The following DENND4A variants were observed in gnomAD, a reference collection of about 807,000 sequenced individuals.
The protein encoded by DENND4A is C-myc promoter-binding protein.
In DENND4A, 70 loss-of-function variants were observed where a neutral mutation model predicts 199.3. That is an observed-to-expected ratio of 0.35 (90% confidence interval 0.29 to 0.43). The LOEUF (loss-of-function observed/expected upper bound fraction) is 0.43. DENND4A is among the 20% of genes least tolerant of loss of function. DENND4A has a pLI of 1.00. For synonymous variants in DENND4A, 686 were observed against 766.9 expected, an observed-to-expected ratio of 0.89 and a Z score of 1.74; for missense variants, 1,723 against 2,255.8, an observed-to-expected ratio of 0.76 and a Z score of 4.78.
intron 14 of DENND4A, among the ~76,000 whole-genome samples, chr15:65,709,695 CAAAAAA>C (rs1171075195): frequency 1.1e-4 from 4 of 36,158 alleles, no homozygotes; most frequent in Non-Finnish European, 1.9e-4. Context: ...AACTCCATCT[CAAAAAA>C]AAAAAAAAAA....
Position 65,724,053 on chromosome 15 carries a change from C to T in DENND4A, c.1488-1105G>A, listed in dbSNP as rs185931551. ...GGACTTAAAGATAGCTTTAATGACT[C>T]CACTTTAAAAAAAAAAACCAGAGAG... On this transcript the variant is annotated intron_variant, in intron 11 of 32. Coordinates refer to ENST00000443035, the MANE Select transcript of DENND4A (RefSeq NM_001320835.1). 5.9e-5 allele frequency among the ~76,000 whole-genome samples: 9 copies of T among 151,800 alleles called. 1 individual carries two copies. In the East Asian group the frequency reaches 1.2e-3, roughly 20 times the overall value.
intron 22 of DENND4A, among the ~76,000 whole-genome samples, chr15:65,692,289 G>A (rs1383600605): frequency 1.3e-5 from 2 of 152,044 alleles, no homozygotes; most frequent in African/African-American, 4.8e-5. Flanking sequence ...ATTTATACCA[G>A]TCAAATGTTA....
intron 17 of DENND4A, 97 bp downstream of exon 17, chr15:65,702,208 G>A (rs1290895218): frequency 4.8e-5 from 48 of 1,005,818 alleles, no homozygotes; most frequent in East Asian, 1.3e-4. Context: ...GGTTAAGACT[G>A]CAGTGAGCCA....
At position 65,722,927 on chromosome 15, in the gene DENND4A, T is replaced by C; in HGVS notation, c.1509A>G (p.Val503=). The change falls in exon 12 of 33, where the codon GTA becomes GTG. Residue 503 remains valine (V), a synonymous_variant. Coordinates refer to ENST00000443035, the MANE Select transcript of DENND4A (RefSeq NM_001320835.1). ...TISQIGDKKN[V]AWKILPKKPC... is the part of the protein sequence containing the mutation. ...GCTTCTTTGGAAGTATCTTCCAGGC[T>C]ACATTTTTCTTGTCACCAATTCTAA... is the stretch of plus-strand genomic sequence containing the variant. 1.2e-6 allele frequency: 2 copies of C among 1,607,136 alleles called. No homozygotes were observed. Among genetic ancestry groups the C allele is most frequent in the Non-Finnish European group, 1.7e-6 (2 of 1,177,286 alleles).
chr15:65,781,987 T>C (rs889291267), intron 1 of DENND4A, among the ~76,000 whole-genome samples: 1 of 152,144 alleles, frequency 6.6e-6, no homozygotes, highest in African/African-American at 2.4e-5. Context: ...TTTAGTGATA[T>C]GAAAAAGTAG....
intron 4 of DENND4A, among the ~76,000 whole-genome samples, chr15:65,747,068 T>C (rs1001424577): frequency 1.3e-5 from 2 of 150,284 alleles, no homozygotes; most frequent in African/African-American, 4.9e-5. Context: ...ATCGCACCAC[T>C]ACACTCCATC....
chr15:65,716,727 G>A (rs892133961), intron 13 of DENND4A, among the ~76,000 whole-genome samples: 5 of 151,744 alleles, frequency 3.3e-5, no homozygotes, highest in Non-Finnish European at 5.9e-5. Context: ...TGTCTTTATA[G>A]CAGCATGATT....
At position 65,667,908 on chromosome 15, in the gene DENND4A, T is replaced by C; in HGVS notation, c.4986+17A>G. 1 of 1,584,494 alleles carries C rather than the reference T, an allele frequency of 6.3e-7. No homozygotes were observed. Among genetic ancestry groups the C allele is most frequent in the South Asian group, 1.2e-5 (1 of 85,650 alleles). On this transcript the variant is annotated intron_variant, in intron 28 of 32. Transcript: ENST00000443035. Reference sequence around the variant, plus strand: ...AGTGATCAATTTCCAAATAAAAAAATACACCAAAATACATACTGTAGCTCC... The same window carrying C: ...AGTGATCAATTTCCAAATAAAAAAACACACCAAAATACATACTGTAGCTCC...
Position 65,703,005 on chromosome 15 carries a change from A to G in DENND4A, c.2091T>C (p.Tyr697=). 2 of 1,611,138 alleles carry G rather than the reference A, an allele frequency of 1.2e-6. No individual in the cohort carries two copies. Among genetic ancestry groups the G allele is most frequent in the South Asian group, 2.2e-5 (2 of 90,870 alleles). The change falls in exon 16 of 33, where the codon TAT becomes TAC. Residue 697 remains tyrosine, a synonymous_variant. Coordinates refer to ENST00000443035, the MANE Select transcript of DENND4A (RefSeq NM_001320835.1). The part of the protein sequence containing the change: ...NGEEPPLQYS[Y]NGFPVLRNNL... ...TGTTCCTAAGAACTGGAAATCCATT[A>G]TAGCTGTTTTAGAAAAAACAAAACA...
intron 8 of DENND4A, among the ~76,000 whole-genome samples, chr15:65,732,392 T>C (rs1044264789): frequency 6.6e-6 from 1 of 152,120 alleles, no homozygotes; most frequent in African/African-American, 2.4e-5. Flanking sequence ...ATTACTCTTA[T>C]CTATGTTTTG....
At chr15:65,705,031 T>C (rs1434637592) in intron 15 of DENND4A, among the ~76,000 whole-genome samples, 1 of 152,018 alleles carries the variant, frequency 6.6e-6, no homozygotes, top group East Asian at 1.9e-4. Flanking sequence ...GATTAAAAAA[T>C]GAGAACTTGT....
intron 3 of DENND4A, among the ~76,000 whole-genome samples, chr15:65,754,589 A>G (rs2076653097): frequency 6.6e-6 from 1 of 152,236 alleles, no homozygotes; most frequent in Non-Finnish European, 1.5e-5. Context: ...AAAGACAACC[A>G]AATTAAAAAT....
intron 1 of DENND4A, among the ~76,000 whole-genome samples, chr15:65,779,568 C>A (rs1476918083): frequency 1.3e-5 from 2 of 152,092 alleles, no homozygotes; most frequent in Non-Finnish European, 2.9e-5. Context: ...TAGCTCACTG[C>A]TGCCTCAAAC....
intron 4 of DENND4A, among the ~76,000 whole-genome samples, chr15:65,750,272 A>G (rs1350630559): frequency 2.6e-5 from 4 of 152,168 alleles, no homozygotes; most frequent in Admixed American, 6.6e-5. Flanking sequence ...TATAAGTGAG[A>G]GCTAAATATT....
At chr15:65,702,563 T>G in intron 16 of DENND4A, 52 bp from the exon 17 acceptor site, 1 of 1,407,616 alleles carries the variant, frequency 7.1e-7, no homozygotes, top group Non-Finnish European at 9.8e-7. Flanking sequence ...TAGGCATCTT[T>G]ATTTAACTGA....
chr15:65,673,576 A>G (rs2076281514), intron 24 of DENND4A, among the ~76,000 whole-genome samples: 3 of 151,886 alleles, frequency 2.0e-5, no homozygotes, highest in Admixed American at 1.3e-4. Context: ...CCGGGATACA[A>G]TCAGCATGAT....
chr15:65,765,063 G>A (rs2076947715), intron 1 of DENND4A, among the ~76,000 whole-genome samples: 1 of 150,940 alleles, frequency 6.6e-6, no homozygotes, highest in African/African-American at 2.4e-5. Context: ...TCTGATGAAT[G>A]AACTTCCAAA....
In DENND4A at chr15:65,669,832, G is replaced by C; in HGVS notation, c.4734C>G (p.Ala1578=). ...AGAGAGCAGATGTGTCAAGACCAGA[G>C]GCTGATGTTGAAATGCAAGACTGCC... The part of the protein sequence containing the change: ...QTRQSCISTS[A]SGLDTSALSV... Residue 1578 remains alanine (A), a synonymous_variant, in exon 27 of 33, where the codon GCC becomes GCG. Coordinates refer to ENST00000443035, the MANE Select transcript of DENND4A (RefSeq NM_001320835.1). 1.9e-6 allele frequency: 3 copies of C among 1,613,712 alleles called. No homozygotes were observed. Among genetic ancestry groups the C allele is most frequent in the Non-Finnish European group, 2.5e-6 (3 of 1,179,698 alleles).
At chr15:65,673,518 A>C (rs1228388160) in intron 24 of DENND4A, among the ~76,000 whole-genome samples, 1 of 151,874 alleles carries the variant, frequency 6.6e-6, no homozygotes, top group Non-Finnish European at 1.5e-5. Context: ...GTAAACTACC[A>C]GTCCATGAGA....
Sources: allele counts gnomAD v4.1 joint callset (sites outside exome capture counted in the v4.1 genomes callset), GRCh38; gene constraint gnomAD v4.1.1; transcripts MANE v1.5; gene names NCBI Gene and HGNC (gene_info 2026-07-23, HGNC 2026-07-21).